Variants in ACOXL observed in about 807,000 individuals in gnomAD.
ACOXL encodes acyl-CoA oxidase like, also known as acyl-coenzyme A oxidase-like protein.
ACOXL carries 70 observed loss-of-function variants against 71.9 expected under a neutral mutation model. The observed-to-expected ratio is 0.97, with a 90% CI of 0.80 to 1.19. ACOXL has a LOEUF of 1.19. Among genes scored for constraint, ACOXL ranks in the 50% most tolerant of loss-of-function variants. The probability of loss-of-function intolerance (pLI) is 0.00; values close to 1 mark genes in which losing one functional copy is unlikely to be tolerated. For missense variants in ACOXL, 703 were observed against 736.3 expected (o/e 0.95, Z 0.52); for synonymous variants, 253 against 281.6 (o/e 0.90, Z 1.02).
intron 10 of ACOXL, among the ~76,000 whole-genome samples, chr2:110,878,596 C>T (rs557773816): frequency 6.6e-6 from 1 of 152,068 alleles, no homozygotes; most frequent in East Asian, 1.9e-4. Flanking sequence ...AACCCTATCT[C>T]TACTAAAAAT....
At chr2:110,739,455 C>T (rs1677244904) in intron 1 of ACOXL, among the ~76,000 whole-genome samples, 1 of 152,180 alleles carries the variant, frequency 6.6e-6, no homozygotes, top group Admixed American at 6.5e-5. Flanking sequence ...ATTTGTATAC[C>T]TGATTTTGTT....
At chr2:110,733,066 C>G (rs1029818757) in intron 1 of ACOXL, 2 of 152,398 alleles carry the variant, frequency 1.3e-5, no homozygotes, top group African/African-American at 4.8e-5. Context: ...GTGACAGGCG[C>G]GGTGTCTACG....
intron 16 of ACOXL, among the ~76,000 whole-genome samples, chr2:111,052,378 C>T (rs1161385949): frequency 1.3e-5 from 2 of 152,106 alleles, no homozygotes; most frequent in Non-Finnish European, 2.9e-5. Context: ...TCTGGAGTCA[C>T]TCTCAAGGCT....
intron 17 of ACOXL, among the ~76,000 whole-genome samples, chr2:111,102,282 A>C (rs2069218145): frequency 6.6e-6 from 1 of 152,216 alleles, no homozygotes; most frequent in Non-Finnish European, 1.5e-5. Flanking sequence ...CAGTTTGGCC[A>C]GTAAAAGGGA....
chr2:111,099,651 A>G (rs2069011637), intron 17 of ACOXL: 1 of 152,208 alleles, frequency 6.6e-6, no homozygotes, highest in Non-Finnish European at 1.5e-5. Context: ...CCTGGCCATT[A>G]AGCATTTTTG....
At chr2:110,994,069 G>T (rs1159554166) in intron 13 of ACOXL, among the ~76,000 whole-genome samples, 1 of 152,194 alleles carries the variant, frequency 6.6e-6, no homozygotes, top group Non-Finnish European at 1.5e-5. Context: ...CAGCGAGTGG[G>T]TGAGATCCCC....
Position 110,732,727 on chromosome 2 carries a change from A to G in ACOXL, c.-70A>G, listed in dbSNP as rs1034040111. 4 of 152,392 alleles carry G rather than the reference A, an allele frequency of 2.6e-5. No homozygotes were observed. Among genetic ancestry groups the G allele is most frequent in the African/African-American group, 9.7e-5 (4 of 41,402 alleles). 9.4% of individuals were successfully genotyped at this position (152,392 alleles called of 1,614,324 possible). ...CTGGACGGCGACTTCTGGAGCCTCA[A>G]GAACGAGCTGCGCGGACTCCTCGGC... On this transcript the variant is annotated 5_prime_UTR_variant, in exon 1 of 18. Coordinates refer to ENST00000439055, the MANE Select transcript of ACOXL (RefSeq NM_001142807.4).
intron 14 of ACOXL, among the ~76,000 whole-genome samples, chr2:111,008,519 C>T (rs1190359919): frequency 6.6e-6 from 1 of 152,206 alleles, no homozygotes; most frequent in Non-Finnish European, 1.5e-5. Context: ...TACTCCACCC[C>T]TCTCTTGTGT....
chr2:110,943,015 A>AG (rs1423145369), intron 12 of ACOXL, among the ~76,000 whole-genome samples: 3 of 139,288 alleles, frequency 2.2e-5, no homozygotes, highest in Non-Finnish European at 4.7e-5. Context: ...GGAAAGAAAG[A>AG]GAAAGGAAGG....
At chr2:110,788,937 G>A (rs1684317238) in intron 3 of ACOXL, among the ~76,000 whole-genome samples, 1 of 152,230 alleles carries the variant, frequency 6.6e-6, no homozygotes, top group Non-Finnish European at 1.5e-5. Flanking sequence ...AGCCACTGGT[G>A]GTCCCTGCCT....
chr2:111,049,075 A>G, intron 15 of ACOXL, 143 bp from the exon 16 acceptor site: 1 of 675,316 alleles, frequency 1.5e-6, no homozygotes, highest in Non-Finnish European at 2.6e-6. Context: ...TGCAGGGGAC[A>G]GTTGGGGAGC....
At chr2:111,043,862 G>A (rs1276517312) in intron 15 of ACOXL, among the ~76,000 whole-genome samples, 1 of 152,156 alleles carries the variant, frequency 6.6e-6, no homozygotes, top group African/African-American at 2.4e-5. Flanking sequence ...TTCACTGTAG[G>A]TATCTGAGAT....
chr2:110,771,444 T>C (rs1193770479), intron 2 of ACOXL, among the ~76,000 whole-genome samples: 1 of 152,172 alleles, frequency 6.6e-6, no homozygotes, highest in Non-Finnish European at 1.5e-5. Flanking sequence ...GATGATCCGA[T>C]GAGCTCTGAG....
intron 17 of ACOXL, among the ~76,000 whole-genome samples, chr2:111,117,162 C>T (rs1175696396): frequency 6.6e-6 from 1 of 152,232 alleles, no homozygotes; most frequent in Non-Finnish European, 1.5e-5. Context: ...TGTTCGGAGG[C>T]TCTTCCTGTT....
chr2:110,922,043 T>C (rs2060097982), intron 11 of ACOXL, among the ~76,000 whole-genome samples: 1 of 152,208 alleles, frequency 6.6e-6, no homozygotes, highest in Admixed American at 6.5e-5. Context: ...GTCAATTAGG[T>C]CAAGTTGGCT....
rs550669379 is a variant in ACOXL at position 110,774,097 on chromosome 2, TA to T, written c.75+5639del. Among the ~76,000 whole-genome samples the T allele has an allele frequency of 1.3e-3, 199 of 152,320 alleles. 1 individual carries two copies. Among genetic ancestry groups the T allele is most frequent in the African/African-American group, 4.6e-3 (190 of 41,576 alleles). On this transcript the variant is annotated intron_variant, in intron 2 of 17. Transcript: ENST00000439055. ...ATTACTCGTGCAGTGAAATACTATG[TA>T]AAAAACCAATAATTATTTCTCGCTA...
chr2:111,006,468 T>C (rs2063879076), intron 14 of ACOXL, among the ~76,000 whole-genome samples: 1 of 152,138 alleles, frequency 6.6e-6, no homozygotes. Context: ...CTCCCAGAAG[T>C]ACAGTGCTCC....
chr2:110,776,720 T>A (rs1198989631), intron 2 of ACOXL, among the ~76,000 whole-genome samples: 1 of 151,924 alleles, frequency 6.6e-6, no homozygotes, highest in Non-Finnish European at 1.5e-5. Flanking sequence ...CCCTGGAGTA[T>A]GAAGGGCCTT....
In ACOXL at chr2:110,794,163, C is replaced by T; in HGVS notation, c.334C>T (p.Leu112Phe). 1 of 1,614,164 alleles carries T rather than the reference C, an allele frequency of 6.2e-7. No individual in the cohort carries two copies. Among genetic ancestry groups the T allele is most frequent in the Non-Finnish European group, 8.5e-7 (1 of 1,179,998 alleles). ...GATCCAGACCGAAGCCACCTTTGAC[C>T]TCTCTGCCCAGGTGAGGAATCCATC... ...RGIQTEATFDLSAQEFVIDTP... is the reference protein window; with the variant it reads ...RGIQTEATFDFSAQEFVIDTP... Residue 112 changes from leucine (L) to phenylalanine (F), a missense_variant, in exon 5 of 18, where the codon CTC (leucine) becomes TTC (phenylalanine). Transcript: ENST00000439055.
Sources: gnomAD v4.1 joint callset for allele counts (sites outside exome capture counted in the v4.1 genomes callset) on GRCh38, gnomAD v4.1.1 for gene constraint, MANE v1.5 for transcripts, NCBI Gene and HGNC (gene_info 2026-07-23, HGNC 2026-07-21) for gene names.